HPSE2: variants seen among roughly 807,000 people sequenced by gnomAD.
The protein encoded by HPSE2 is inactive heparanase-2.
In HPSE2, 38 loss-of-function variants were observed where a neutral mutation model predicts 60.5. That is an observed-to-expected ratio of 0.63 (90% CI 0.48 to 0.82). HPSE2 has a LOEUF of 0.82. Ranked by LOEUF, HPSE2 falls within the 40% of genes least tolerant of loss-of-function variation. The probability of loss-of-function intolerance (pLI) is 0.00; values close to 1 mark genes in which losing one functional copy is unlikely to be tolerated. For missense variants in HPSE2, 713 were observed against 740.4 expected, an observed-to-expected ratio of 0.96 and a Z score of 0.43; for synonymous variants, 295 against 293.2, an observed-to-expected ratio of 1.01 and a Z score of -0.06.
intron 3 of HPSE2, among the ~76,000 whole-genome samples, chr10:98,938,880 T>G: frequency 6.9e-6 from 1 of 144,310 alleles, no homozygotes; most frequent in Non-Finnish European, 1.5e-5. Context: ...GACTAACAGC[T>G]GATCTCTTGG....
intron 9 of HPSE2, among the ~76,000 whole-genome samples, chr10:98,516,319 G>T (rs995671132): frequency 3.3e-5 from 5 of 152,106 alleles, no homozygotes; most frequent in Admixed American, 3.3e-4. Flanking sequence ...CCCAGCACAG[G>T]GTCTAAGTAT....
At position 98,629,483 on chromosome 10, in the gene HPSE2, A is replaced by G. The variant is rs951836933; in HGVS notation, c.1099-8775T>C. Among the ~76,000 whole-genome samples, 5 of 151,942 alleles carry G rather than the reference A, an allele frequency of 3.3e-5. No homozygotes were observed. In the South Asian group the frequency reaches 1.0e-3, roughly 32 times the overall value. On this transcript the variant is annotated intron_variant, in intron 7 of 11. Transcript: ENST00000370552. ...AAGGCGAGAGCTCTGTGCCCTTCCC[A>G]TGTTTCTTTCCATCCTTCTTTTGTG...
At chr10:99,072,927 CAAAAAAAAAA>C (rs770699941) in intron 3 of HPSE2, among the ~76,000 whole-genome samples, 39 of 88,020 alleles carry the variant, frequency 4.4e-4, no homozygotes, top group African/African-American at 2.1e-3. Flanking sequence ...GGCTCCGTCT[CAAAAAAAAAA>C]AAAAAAAAAA....
chr10:98,661,591 C>CT (rs1430602972), intron 6 of HPSE2, among the ~76,000 whole-genome samples: 1 of 152,102 alleles, frequency 6.6e-6, no homozygotes, highest in African/African-American at 2.4e-5. Context: ...CTTAACTTTC[C>CT]TTTTTTCACC....
At chr10:98,495,369 T>C (rs1941799307) in intron 9 of HPSE2, among the ~76,000 whole-genome samples, 1 of 152,178 alleles carries the variant, frequency 6.6e-6, no homozygotes, top group Non-Finnish European at 1.5e-5. Context: ...TCTCTTTAGA[T>C]TCATCTTATT....
chr10:99,025,261 T>C (rs968427377), intron 3 of HPSE2, among the ~76,000 whole-genome samples: 1 of 152,140 alleles, frequency 6.6e-6, no homozygotes, highest in South Asian at 2.1e-4. Context: ...GGAATGTTAA[T>C]TAGGTCAACC....
intron 5 of HPSE2, among the ~76,000 whole-genome samples, chr10:98,698,552 T>C (rs1472557296): frequency 3.3e-5 from 5 of 151,786 alleles, no homozygotes; most frequent in South Asian, 4.2e-4. Flanking sequence ...AGATCCAAAA[T>C]TGACACCCTA....
At chr10:98,965,809 C>T (rs981548843) in intron 3 of HPSE2, among the ~76,000 whole-genome samples, 2 of 152,206 alleles carry the variant, frequency 1.3e-5, no homozygotes, top group African/African-American at 4.8e-5. Flanking sequence ...AGTAACATTA[C>T]ATGCTCCTTG....
chr10:99,105,473 G>T (rs1844206905), intron 3 of HPSE2, among the ~76,000 whole-genome samples: 1 of 146,642 alleles, frequency 6.8e-6, no homozygotes, highest in East Asian at 2.0e-4. Context: ...CTTTTTAATT[G>T]GGTTTTTTTT....
chr10:99,161,175 C>T (rs1846825557), intron 2 of HPSE2, among the ~76,000 whole-genome samples: 1 of 151,258 alleles, frequency 6.6e-6, no homozygotes, highest in Non-Finnish European at 1.5e-5. Flanking sequence ...GAGCCATGGT[C>T]CCATCACTGC....
chr10:99,194,549 C>A (rs549052591), intron 2 of HPSE2, among the ~76,000 whole-genome samples: 4 of 148,190 alleles, frequency 2.7e-5, no homozygotes, highest in Admixed American at 6.7e-5. Context: ...CAAATAAATA[C>A]AATCAGAGAT....
rs567310299 is a variant in HPSE2 at position 98,463,985 on chromosome 10, C to T, written c.1614-4246G>A. ...TACAAAAATTAGCCAGGTGTGGTGG[C>T]GCACACCTGTAATCCCAGCTACTCA... On this transcript the variant is annotated intron_variant, in intron 11 of 11. Coordinates refer to ENST00000370552, the MANE Select transcript of HPSE2 (RefSeq NM_021828.5). Among the ~76,000 whole-genome samples the T allele has an allele frequency of 9.9e-5, 15 of 152,100 alleles. No individual in the cohort carries two copies. In the East Asian group the frequency reaches 1.9e-3, roughly 20 times the overall value.
intron 3 of HPSE2, among the ~76,000 whole-genome samples, chr10:98,773,713 A>G (rs1565153445): frequency 6.6e-6 from 1 of 152,234 alleles, no homozygotes; most frequent in Non-Finnish European, 1.5e-5. Context: ...ATGACTAAAA[A>G]GAAGAGTGAA....
intron 4 of HPSE2, among the ~76,000 whole-genome samples, chr10:98,737,002 A>G (rs1949374616): frequency 6.6e-6 from 1 of 152,222 alleles, no homozygotes; most frequent in Non-Finnish European, 1.5e-5. Context: ...GAAGGAGAGA[A>G]GCAGACAGGA....
At chr10:98,673,623 A>G (rs532043112) in intron 6 of HPSE2, among the ~76,000 whole-genome samples, 4 of 152,122 alleles carry the variant, frequency 2.6e-5, no homozygotes, top group African/African-American at 9.7e-5. Flanking sequence ...TCTTCTTTGG[A>G]CCAGGTGTTT....
intron 3 of HPSE2, among the ~76,000 whole-genome samples, chr10:98,770,523 A>G (rs565337705): frequency 6.6e-6 from 1 of 152,158 alleles, no homozygotes; most frequent in Non-Finnish European, 1.5e-5. Context: ...CAAGGATATT[A>G]AGGCAGGTTT....
Position 99,036,961 on chromosome 10 carries a change from C to T in HPSE2, c.610+107277G>A, listed in dbSNP as rs910781217. ...AACAGAGAAAAAACCTGGCAAACAC[C>T]GCAGTAACTAAAAGAGCAAGATTAG... On this transcript the variant is annotated intron_variant, in intron 3 of 11. Coordinates refer to ENST00000370552, the MANE Select transcript of HPSE2 (RefSeq NM_021828.5). 6.6e-5 allele frequency among the ~76,000 whole-genome samples: 10 copies of T among 152,046 alleles called. 1 individual carries two copies. The highest frequency in any genetic ancestry group is 4.2e-4 in the South Asian group (2 of 4,806).
At chr10:98,567,778 T>C (rs550184353) in intron 9 of HPSE2, among the ~76,000 whole-genome samples, 20 of 152,238 alleles carry the variant, frequency 1.3e-4, no homozygotes, top group African/African-American at 4.6e-4. Context: ...TGTGTATACA[T>C]GTAAGTGTAC....
intron 9 of HPSE2, among the ~76,000 whole-genome samples, chr10:98,606,861 G>T (rs1945603571): frequency 1.3e-5 from 2 of 152,066 alleles, no homozygotes; most frequent in African/African-American, 4.8e-5. Flanking sequence ...GTATTATCTT[G>T]GTTCTATCAG....
Sources: gnomAD v4.1 joint callset for allele counts (sites outside exome capture counted in the v4.1 genomes callset) on GRCh38, gnomAD v4.1.1 for gene constraint, MANE v1.5 for transcripts, NCBI Gene and HGNC (gene_info 2026-07-23, HGNC 2026-07-21) for gene names.